Variants in CNPY2 observed in about 807,000 individuals in gnomAD.
The protein encoded by CNPY2 is canopy FGF signaling regulator 2, also known as protein canopy homolog 2.
A neutral mutation model predicts 25.5 loss-of-function variants in CNPY2; 19 were observed. That is an observed-to-expected ratio of 0.74 (90% CI 0.52 to 1.09). The LOEUF (loss-of-function observed/expected upper bound fraction) is 1.09, where lower values mean the gene tolerates loss of function less well. CNPY2 is among the 50% of genes least tolerant of loss of function. The pLI, the probability that CNPY2 is intolerant of heterozygous loss-of-function variation, is 0.00. For synonymous variants in CNPY2, 82 were observed against 85.0 expected (o/e 0.96, Z 0.19); for missense variants, 214 against 233.6 (o/e 0.92, Z 0.55).
At chr12:56,311,917 T>G in intron 3 of CNPY2, 1 of 159,660 alleles carries the variant, frequency 6.3e-6, no homozygotes, top group South Asian at 1.8e-4. Context: ...GTCTCACTCT[T>G]TCGCCCAGGC....
In CNPY2 at chr12:56,315,128, ACCTCCACAGT is replaced by A. The variant is rs772577115; in HGVS notation, c.80_88+1del. On this transcript the variant is annotated splice_donor_variant and coding_sequence_variant, in exon 2 of 6. Coordinates refer to ENST00000273308, the MANE Select transcript of CNPY2 (RefSeq NM_014255.7). LOFTEE classifies it high-confidence loss of function. ...CACTTCTTTTTCCCGTTGTGCCTTTACCTCCACAGTGGAGATCCTGGCTCCTCCGAGCCCA... is the reference window on the plus strand; with the variant it reads ...CACTTCTTTTTCCCGTTGTGCCTTTAGGAGATCCTGGCTCCTCCGAGCCCA... 4.9e-5 allele frequency: 79 copies of A among 1,613,436 alleles called. No individual in the cohort carries two copies. The highest frequency in any genetic ancestry group is 6.3e-5 in the Non-Finnish European group (74 of 1,179,738).
At chr12:56,314,400 A>G in intron 3 of CNPY2, 1 of 1,015,788 alleles carries the variant, frequency 9.8e-7, no homozygotes, top group Non-Finnish European at 1.2e-6. Context: ...CTGTAATCTT[A>G]ACACTGCCTT....
intron 3 of CNPY2, among the ~76,000 whole-genome samples, chr12:56,313,213 G>A (rs573073674): frequency 2.0e-5 from 3 of 151,978 alleles, no homozygotes; most frequent in South Asian, 2.1e-4. Context: ...ATTTTTGGCC[G>A]GGCGTGGTGG....
rs556785015 is a variant in CNPY2, at chr12:56,309,971, A to C, written c.*581T>G. On this transcript the variant is annotated 3_prime_UTR_variant, in exon 6 of 6. Coordinates refer to ENST00000273308, the MANE Select transcript of CNPY2 (RefSeq NM_014255.7). ...CTATCCGATAAAGCCCTTACTTTTC[A>C]GCTGAGTTGGTCACATCCATTTTCC... The C allele has an allele frequency of 1.1e-3, 807 of 702,382 alleles. 3 individuals carry two copies. The highest frequency in any genetic ancestry group is 1.8e-3 in the Non-Finnish European group (701 of 384,832). 43.5% of individuals were successfully genotyped at this position (702,382 alleles called of 1,614,324 possible).
chr12:56,309,880 A>C lies in CNPY2; in HGVS notation c.*672T>G. The C allele has an allele frequency of 1.4e-6, 1 of 701,872 alleles. No homozygotes were observed. The highest frequency in any genetic ancestry group is 1.5e-5 in the South Asian group (1 of 67,440). 43.5% of individuals were successfully genotyped at this position (701,872 alleles called of 1,614,324 possible). A position where few individuals can be genotyped will look rare whatever the true frequency, so the allele number is the denominator to read the frequency against. On this transcript the variant is annotated 3_prime_UTR_variant, in exon 6 of 6. Coordinates refer to ENST00000273308, the MANE Select transcript of CNPY2 (RefSeq NM_014255.7). ...ACACTTTATTGTTGCCACTGGCATC[A>C]AATTTAAAAGCTTAGGCTGGCAAGC...
At chr12:56,314,011 C>T (rs1191767997) in intron 3 of CNPY2, among the ~76,000 whole-genome samples, 2 of 146,816 alleles carry the variant, frequency 1.4e-5, no homozygotes, top group African/African-American at 5.0e-5. Flanking sequence ...AAGTGATTCT[C>T]CTGCCTCAGC....
chr12:56,311,580 T>C (rs1198778412), intron 3 of CNPY2, 166 bp from the exon 4 acceptor site: 2 of 756,128 alleles, frequency 2.6e-6, no homozygotes, highest in Non-Finnish European at 4.5e-6. Flanking sequence ...AGATGGGGTT[T>C]TGCTCTTGTT....
chr12:56,314,866 G>A lies in CNPY2; in HGVS notation c.189C>T (p.Ser63=). The change falls in exon 3 of 6, where the codon AGC becomes AGT. Residue 63 remains serine (S), a synonymous_variant. Coordinates refer to ENST00000273308, the MANE Select transcript of CNPY2 (RefSeq NM_014255.7). ...TAACAGTTACCTCCACCACTGACTGGCTGCCATCTGGATTGATCCGGAAAG... is the reference window on the plus strand; with the variant it reads ...TAACAGTTACCTCCACCACTGACTGACTGCCATCTGGATTGATCCGGAAAG... ...MGSFRINPDG[S]QSVVEVPYAR... is the part of the protein sequence containing the mutation. 6.2e-7 allele frequency: 1 copy of A among 1,614,182 alleles called. No individual in the cohort carries two copies. The highest frequency in any genetic ancestry group is 8.5e-7 in the Non-Finnish European group (1 of 1,180,042).
At chr12:56,314,588 A>G in intron 3 of CNPY2, 1 of 1,342,144 alleles carries the variant, frequency 7.5e-7, no homozygotes, top group Non-Finnish European at 9.6e-7. Context: ...ATTAAAAACC[A>G]GTCATGTGGA....
At chr12:56,310,708 C>G in intron 5 of CNPY2, 113 bp from the exon 6 acceptor site, 1 of 1,074,524 alleles carries the variant, frequency 9.3e-7, no homozygotes, top group Non-Finnish European at 1.4e-6. Context: ...CACCATTCTG[C>G]AGAATATATG....
rs963021203 is a variant in CNPY2, at chr12:56,310,888, T to C, written c.505+70A>G. 3 of 1,381,606 alleles carry C rather than the reference T, an allele frequency of 2.2e-6. No homozygotes were observed. In the South Asian group the frequency reaches 3.6e-5, roughly 17 times the overall value. 85.6% of individuals were successfully genotyped at this position (1,381,606 alleles called of 1,614,324 possible). The stretch of plus-strand genomic sequence containing the variant: ...ACCAGAGGTTTCTGGGATGGGGGTG[T>C]ATGGGTGAGTTAGGGAATGTCAGGT... On this transcript the variant is annotated intron_variant, in intron 5 of 5. Transcript: ENST00000273308.
rs774485842 is a variant in CNPY2 at position 56,314,909 on chromosome 12, T to G, written c.146A>C (p.Lys49Thr). 6.2e-7 allele frequency: 1 copy of G among 1,614,204 alleles called. No individual in the cohort carries two copies. The highest frequency in any genetic ancestry group is 8.5e-7 in the Non-Finnish European group (1 of 1,180,024). The change falls in exon 3 of 6, where the codon AAG becomes ACG. Residue 49 changes from lysine to threonine, a missense_variant. Coordinates refer to ENST00000273308, the MANE Select transcript of CNPY2 (RefSeq NM_014255.7). ...CCGGAAAGATCCCATCTGAATGGTC[T>G]TCTTGGGGTCCACCTGGGCAATTTC... ...EWEIAQVDPK[K>T]TIQMGSFRIN...
chr12:56,315,167 G>T lies in CNPY2; in HGVS notation c.51C>A (p.Thr17=). The T allele has an allele frequency of 6.2e-7, 1 of 1,614,046 alleles. No homozygotes were observed. Among genetic ancestry groups the T allele is most frequent in the Non-Finnish European group, 8.5e-7 (1 of 1,179,970 alleles). The part of the protein sequence containing the change: ...LALLLGALLG[T]AWARRSQDLH... The stretch of plus-strand genomic sequence containing the variant: ...GATCCTGGCTCCTCCGAGCCCAGGC[G>T]GTTCCCAGCAGGGCCCCCAGAAGCA... The change falls in exon 2 of 6, where the codon ACC becomes ACA. Residue 17 remains threonine (T), a synonymous_variant. Coordinates refer to ENST00000273308, the MANE Select transcript of CNPY2 (RefSeq NM_014255.7).
chr12:56,315,055 C>A (rs901046525), intron 2 of CNPY2, 75 bp downstream of exon 2: 2 of 1,598,810 alleles, frequency 1.3e-6, no homozygotes, highest in Non-Finnish European at 1.7e-6. Context: ...TCCATTCATC[C>A]TTCTCCCAGG....
intron 3 of CNPY2, 57 bp from the exon 4 acceptor site, chr12:56,311,471 A>G: frequency 6.6e-7 from 1 of 1,507,150 alleles, no homozygotes; most frequent in Non-Finnish European, 9.2e-7. Context: ...TTAGTAATTT[A>G]TATCCTTACT....
Position 56,314,979 on chromosome 12 carries a change from G to A in CNPY2, c.89-13C>T, listed in dbSNP as rs915291194. The stretch of plus-strand genomic sequence containing the variant: ...AGAGCCCTGCATGCTGGTGGAAGAG[G>A]AGAGAATGAGAGCAGGGGACAGGGT... On this transcript the variant is annotated splice_polypyrimidine_tract_variant and intron_variant, in intron 2 of 5. Transcript: ENST00000273308. 4.3e-6 allele frequency: 7 copies of A among 1,613,952 alleles called. No individual in the cohort carries two copies. The Admixed American group carries it at 8.3e-5, about 19-fold the overall frequency.
rs1873669947 is a variant in CNPY2 at position 56,309,928 on chromosome 12, T to A, written c.*624A>T. On this transcript the variant is annotated 3_prime_UTR_variant, in exon 6 of 6. Transcript: ENST00000273308. ...AGCAAGGCCTCTCATTAAACAACCT[T>A]CCTTACCTCGTCTGTCCCTATCCGA... 2.8e-6 allele frequency: 2 copies of A among 702,184 alleles called. No homozygotes were observed. Among genetic ancestry groups the A allele is most frequent in the Non-Finnish European group, 5.2e-6 (2 of 384,822 alleles). 43.5% of individuals were successfully genotyped at this position (702,184 alleles called of 1,614,324 possible).
chr12:56,311,024 C>A lies in CNPY2; in HGVS notation c.439G>T (p.Glu147Ter). ...TCTCGGGAAAAGAATTCAATGAGTTCATCCTCGTATTCCTCCACAATGCTC... is the reference window on the plus strand; with the variant it reads ...TCTCGGGAAAAGAATTCAATGAGTTAATCCTCGTATTCCTCCACAATGCTC... ...CESIVEEYEDELIEFFSREAD... is the reference protein window; with the variant it reads ...CESIVEEYED The change falls in exon 5 of 6, where the codon GAA (glutamate) becomes TAA (stop). Residue 147 changes from glutamate (E) to a stop codon, truncating the protein, a stop_gained. Coordinates refer to ENST00000273308, the MANE Select transcript of CNPY2 (RefSeq NM_014255.7). LOFTEE classifies it high-confidence loss of function. The A allele has an allele frequency of 6.2e-7, 1 of 1,614,152 alleles. No homozygotes were observed. The highest frequency in any genetic ancestry group is 8.5e-7 in the Non-Finnish European group (1 of 1,180,042).
intron 3 of CNPY2, among the ~76,000 whole-genome samples, chr12:56,314,034 T>G (rs910754632): frequency 4.6e-5 from 7 of 152,042 alleles, no homozygotes; most frequent in Admixed American, 1.3e-4. Flanking sequence ...CCTGAGTAGC[T>G]GGGACTATAG....
Sources: gnomAD v4.1 joint callset for allele counts (sites outside exome capture counted in the v4.1 genomes callset) on GRCh38, gnomAD v4.1.1 for gene constraint, MANE v1.5 for transcripts, NCBI Gene and HGNC (gene_info 2026-07-23, HGNC 2026-07-21) for gene names.